Variants in PGAP1 observed in about 807,000 individuals in gnomAD.
The protein encoded by PGAP1 is post-GPI attachment to proteins inositol deacylase 1.
PGAP1 carries 76 observed loss-of-function variants against 127.0 expected under a neutral mutation model. That is an observed-to-expected ratio of 0.60 (90% CI 0.50 to 0.72). PGAP1 has a LOEUF of 0.72. Among genes scored for constraint, PGAP1 ranks in the 30% least tolerant of loss-of-function variants. PGAP1 has a pLI of 0.00. For missense variants in PGAP1, 982 were observed against 1,071.3 expected (o/e 0.92, Z 1.16); for synonymous variants, 362 against 366.5 (o/e 0.99, Z 0.14).
intron 14 of PGAP1, 135 bp downstream of exon 14, chr2:196,875,611 A>G: frequency 3.3e-6 from 2 of 614,244 alleles, no homozygotes; most frequent in Non-Finnish European, 5.9e-6. Flanking sequence ...GAATAAAACC[A>G]CTGAACCACA....
At chr2:196,916,922 A>C (rs907911681) in intron 2 of PGAP1, among the ~76,000 whole-genome samples, 1 of 152,204 alleles carries the variant, frequency 6.6e-6, no homozygotes, top group Non-Finnish European at 1.5e-5. Flanking sequence ...AAATTTTGCC[A>C]CACTTATTGA....
chr2:196,923,161 C>G (rs1316829019), intron 1 of PGAP1, among the ~76,000 whole-genome samples: 1 of 152,094 alleles, frequency 6.6e-6, no homozygotes, highest in Non-Finnish European at 1.5e-5. Flanking sequence ...GTGTGTGCTT[C>G]TAGAGATATT....
chr2:196,896,463 A>T (rs1280175134), intron 7 of PGAP1, among the ~76,000 whole-genome samples: 2 of 152,116 alleles, frequency 1.3e-5, no homozygotes, highest in Non-Finnish European at 2.9e-5. Flanking sequence ...AAAAAGAAAA[A>T]ATGTCTAATA....
rs568189370 is a variant in PGAP1 at position 196,903,187 on chromosome 2, T to C, written c.650-445A>G. On this transcript the variant is annotated intron_variant, in intron 4 of 26. Coordinates refer to ENST00000354764, the MANE Select transcript of PGAP1 (RefSeq NM_024989.4). ...ATGTTCAAACTGTATACATTAAATG[T>C]ATACATTACAAACTGTTATATATGT... 6.6e-5 allele frequency among the ~76,000 whole-genome samples: 10 copies of C among 152,126 alleles called. No homozygotes were observed. The South Asian group carries it at 2.1e-3, about 32-fold the overall frequency.
chr2:196,880,843 GTTTT>G lies in PGAP1; in HGVS notation c.1273-694_1273-691del, dbSNP rs561518669. Among the ~76,000 whole-genome samples the G allele has an allele frequency of 4.3e-3, 654 of 152,190 alleles. 3 individuals carry two copies. The highest frequency in any genetic ancestry group is 0.02 in the Middle Eastern group (6 of 294). On this transcript the variant is annotated intron_variant, in intron 12 of 26. Coordinates refer to ENST00000354764, the MANE Select transcript of PGAP1 (RefSeq NM_024989.4). ...TGAAAAGCCAAGGCACCAAATACAG[GTTTT>G]TTTGTTTTCTTTCTTGTTTTAATTT...
intron 22 of PGAP1, among the ~76,000 whole-genome samples, chr2:196,846,716 C>G (rs1700565717): frequency 6.6e-6 from 1 of 152,142 alleles, no homozygotes; most frequent in African/African-American, 2.4e-5. Context: ...GAGAAACAAT[C>G]CCTCCTGGGA....
In PGAP1 at chr2:196,833,247, C is replaced by A. The variant is rs1018805918; in HGVS notation, c.*7987G>T. The A allele has an allele frequency of 1.3e-5, 2 of 152,010 alleles. No homozygotes were observed. Among genetic ancestry groups the A allele is most frequent in the African/African-American group, 2.4e-5 (1 of 41,340 alleles). The allele number at this position is 152,010 out of a possible 1,614,324, so 9.4% of individuals were successfully genotyped here. On this transcript the variant is annotated 3_prime_UTR_variant, in exon 27 of 27. Coordinates refer to ENST00000354764, the MANE Select transcript of PGAP1 (RefSeq NM_024989.4). ...CATAAATGTAATAATTTTAATTATA[C>A]CATATAAAAATACACACAAAATTAC... is the stretch of plus-strand genomic sequence containing the variant.
intron 13 of PGAP1, among the ~76,000 whole-genome samples, chr2:196,877,345 A>G (rs1458822511): frequency 6.6e-6 from 1 of 152,130 alleles, no homozygotes; most frequent in Non-Finnish European, 1.5e-5. Context: ...TGAGCTATAC[A>G]TAGACATGCA....
chr2:196,898,393 C>G, intron 5 of PGAP1, 24 bp from the exon 6 acceptor site: 1 of 1,569,310 alleles, frequency 6.4e-7, no homozygotes, highest in Non-Finnish European at 8.7e-7. Context: ...AAAAAATAAA[C>G]TTACGAAAAG....
Position 196,841,084 on chromosome 2 carries a change from AT to A in PGAP1, c.*149del, listed in dbSNP as rs1234351679. 2.9e-5 allele frequency: 27 copies of A among 926,856 alleles called. No individual in the cohort carries two copies. Among genetic ancestry groups the A allele is most frequent in the Non-Finnish European group, 3.4e-5 (21 of 623,320 alleles). 57.4% of individuals were successfully genotyped at this position (926,856 alleles called of 1,614,324 possible). On this transcript the variant is annotated 3_prime_UTR_variant, in exon 27 of 27. Coordinates refer to ENST00000354764, the MANE Select transcript of PGAP1 (RefSeq NM_024989.4). ...CATGCTTCAACTACTTCCCTCAAAC[AT>A]TACAAAACTAATTTCCTATTTTCAA...
intron 19 of PGAP1, among the ~76,000 whole-genome samples, chr2:196,867,817 C>A (rs1279761769): frequency 3.9e-5 from 6 of 152,062 alleles, no homozygotes; most frequent in Admixed American, 3.9e-4. Context: ...TCCCTAAAGT[C>A]CCTCCATGAA....
intron 25 of PGAP1, among the ~76,000 whole-genome samples, chr2:196,843,545 A>T (rs1700474136): frequency 6.6e-6 from 1 of 152,174 alleles, no homozygotes; most frequent in Admixed American, 6.5e-5. Context: ...TAATAAAAAT[A>T]CAGTTCACCC....
intron 1 of PGAP1, among the ~76,000 whole-genome samples, chr2:196,925,740 G>C (rs2125844867): frequency 6.6e-6 from 1 of 152,288 alleles, no homozygotes; most frequent in Non-Finnish European, 1.5e-5. Context: ...CAACTATTAA[G>C]AGGCTCGGCT....
At chr2:196,855,068 A>C (rs1449253397) in intron 20 of PGAP1, among the ~76,000 whole-genome samples, 2 of 151,692 alleles carry the variant, frequency 1.3e-5, no homozygotes, top group African/African-American at 4.8e-5. Flanking sequence ...CACGCCTGTA[A>C]TCCTAGCACT....
intron 10 of PGAP1, among the ~76,000 whole-genome samples, chr2:196,887,294 G>A (rs1215227869): frequency 6.6e-6 from 1 of 152,114 alleles, no homozygotes; most frequent in Non-Finnish European, 1.5e-5. Flanking sequence ...TGAGGCAGGA[G>A]AATGGCATGA....
chr2:196,894,384 A>G (rs1702203423), intron 7 of PGAP1, among the ~76,000 whole-genome samples: 1 of 152,232 alleles, frequency 6.6e-6, no homozygotes. Context: ...AGTGGAGGAC[A>G]GTGGAACTTT....
rs1321292857 is a variant in PGAP1, at chr2:196,839,688, A to G, written c.*1546T>C. Reference sequence around the variant, plus strand: ...GGCCAAAATAGCCAGGACCTGAGGAAGAACTGAGAAGAGAAGTTAGGTAAC... The same window carrying G: ...GGCCAAAATAGCCAGGACCTGAGGAGGAACTGAGAAGAGAAGTTAGGTAAC... On this transcript the variant is annotated 3_prime_UTR_variant, in exon 27 of 27. Coordinates refer to ENST00000354764, the MANE Select transcript of PGAP1 (RefSeq NM_024989.4). 6.6e-6 allele frequency: 1 copy of G among 152,274 alleles called. No homozygotes were observed. The allele number at this position is 152,274 out of a possible 1,614,324, so 9.4% of individuals were successfully genotyped here. A position where few individuals can be genotyped will look rare whatever the true frequency, so the allele number is the denominator to read the frequency against.
intron 4 of PGAP1, among the ~76,000 whole-genome samples, chr2:196,911,610 A>T (rs1702819749): frequency 8.4e-4 from 5 of 5,918 alleles, no homozygotes; most frequent in South Asian, 4.3e-3. Flanking sequence ...GTATAATAAA[A>T]AAAAAAAAAA....
chr2:196,841,489 T>C, intron 26 of PGAP1, 117 bp from the exon 27 acceptor site: 1 of 787,538 alleles, frequency 1.3e-6, no homozygotes, highest in South Asian at 2.2e-5. Context: ...TTAAATGAAT[T>C]TTTAATGATA....
Sources: allele counts gnomAD v4.1 joint callset (sites outside exome capture counted in the v4.1 genomes callset), GRCh38; gene constraint gnomAD v4.1.1; transcripts MANE v1.5; gene names NCBI Gene and HGNC (gene_info 2026-07-23, HGNC 2026-07-21).